TACR3: variants seen among roughly 807,000 people sequenced by gnomAD.
TACR3 encodes tachykinin receptor 3, also known as neuromedin-K receptor.
Under a neutral mutation model 35.0 loss-of-function variants are expected in TACR3, and 34 were observed. The ratio of observed to expected loss-of-function variants is 0.97; its 90% CI spans 0.74 to 1.30. The LOEUF is 1.30. Among genes scored for constraint, TACR3 ranks in the 50% most tolerant of loss-of-function variants. TACR3 has a pLI of 0.00. For synonymous variants in TACR3, 233 were observed against 221.1 expected (o/e 1.05, Z -0.48); for missense variants, 558 against 591.7 (o/e 0.94, Z 0.59).
intron 3 of TACR3, among the ~76,000 whole-genome samples, chr4:103,653,672 G>A (rs917134023): frequency 2.0e-5 from 3 of 151,926 alleles, no homozygotes; most frequent in Non-Finnish European, 4.4e-5. Flanking sequence ...AAAAGCAATG[G>A]CAACAAAAGC....
chr4:103,668,848 CAAA>C (rs565931739), intron 1 of TACR3, among the ~76,000 whole-genome samples: 1 of 107,826 alleles, frequency 9.3e-6, no homozygotes, highest in African/African-American at 3.0e-5. Flanking sequence ...GACTCTGTCT[CAAA>C]AAAAAAAAAA....
intron 3 of TACR3, among the ~76,000 whole-genome samples, chr4:103,638,894 C>T (rs1725276181): frequency 6.6e-6 from 1 of 152,076 alleles, no homozygotes; most frequent in African/African-American, 2.4e-5. Flanking sequence ...AATGAGATAC[C>T]ATCTCACACC....
chr4:103,707,546 C>G (rs888095141), intron 1 of TACR3, among the ~76,000 whole-genome samples: 1 of 152,050 alleles, frequency 6.6e-6, no homozygotes, highest in African/African-American at 2.4e-5. Context: ...CAAATAGGAA[C>G]AGCTCCAGTC....
chr4:103,697,746 A>T (rs1722555776), intron 1 of TACR3, among the ~76,000 whole-genome samples: 1 of 152,154 alleles, frequency 6.6e-6, no homozygotes, highest in South Asian at 2.1e-4. Flanking sequence ...ATTTAACTAA[A>T]CATTGGTAAC....
chr4:103,709,910 G>C (rs959834923), intron 1 of TACR3, among the ~76,000 whole-genome samples: 1 of 152,170 alleles, frequency 6.6e-6, no homozygotes, highest in Non-Finnish European at 1.5e-5. Context: ...AAGTGACAAA[G>C]AAGGCCATTA....
chr4:103,690,938 T>C (rs1408054087), intron 1 of TACR3, among the ~76,000 whole-genome samples: 3 of 152,202 alleles, frequency 2.0e-5, no homozygotes, highest in Non-Finnish European at 4.4e-5. Context: ...TAGATACAAT[T>C]TTATAATGTC....
rs2110236123 is a variant in TACR3, at chr4:103,719,334, C to G, written c.342G>C (p.Lys114Asn). 3 of 1,614,210 alleles carry G rather than the reference C, an allele frequency of 1.9e-6. No homozygotes were observed. The East Asian group carries it at 6.7e-5, about 36-fold the overall frequency. Residue 114 changes from lysine to asparagine, a missense_variant, in exon 1 of 5, where the codon AAG becomes AAC. By Grantham distance (94) the Lys-to-Asn change is moderately conservative. Transcript: ENST00000304883. ...AGTAGTTGGTGACAGTCCTCATGCG[C>G]TTGTGGGCCAGGATGATCCAGATGA... ...LIVIWIILAH[K>N]RMRTVTNYFL...
intron 3 of TACR3, among the ~76,000 whole-genome samples, chr4:103,634,888 C>A (rs148959975): frequency 7.8e-4 from 118 of 152,162 alleles, no homozygotes; most frequent in African/African-American, 2.8e-3. Flanking sequence ...TTTGCTTATG[C>A]ATCTCTCAAG....
At chr4:103,686,245 A>G (rs1368781016) in intron 1 of TACR3, among the ~76,000 whole-genome samples, 1 of 152,216 alleles carries the variant, frequency 6.6e-6, no homozygotes, top group African/African-American at 2.4e-5. Flanking sequence ...AATGTGAGGC[A>G]GACTTGTAAA....
At chr4:103,656,776 G>T (rs1018356910) in intron 2 of TACR3, among the ~76,000 whole-genome samples, 1 of 152,032 alleles carries the variant, frequency 6.6e-6, no homozygotes, top group Non-Finnish European at 1.5e-5. Flanking sequence ...CTCTATTGCT[G>T]CAACATCAGA....
At chr4:103,629,237 G>C (rs994144461) in intron 3 of TACR3, among the ~76,000 whole-genome samples, 1 of 152,106 alleles carries the variant, frequency 6.6e-6, no homozygotes, top group African/African-American at 2.4e-5. Context: ...CACAAGACAA[G>C]GATGCCCTCT....
At chr4:103,698,477 A>G (rs892436423) in intron 1 of TACR3, among the ~76,000 whole-genome samples, 11 of 152,062 alleles carry the variant, frequency 7.2e-5, no homozygotes, top group African/African-American at 9.7e-5. Flanking sequence ...GATTATATAG[A>G]GTATTTATAT....
intron 1 of TACR3, among the ~76,000 whole-genome samples, chr4:103,701,442 A>G (rs900925516): frequency 6.6e-6 from 1 of 152,102 alleles, no homozygotes; most frequent in African/African-American, 2.4e-5. Flanking sequence ...CATGGGTAGG[A>G]AGAATCAATA....
Position 103,591,516 on chromosome 4 carries a change from A to G in TACR3, c.1056T>C (p.Asn352=). ...TATTCAGACAGCAGTAGATGATGGG[A>G]TTGTACATGGTTGAGCTCATTGCCA... The part of the protein sequence containing the change: ...FWLAMSSTMY[N]PIIYCCLNKR... The change falls in exon 4 of 5, where the codon AAT becomes AAC. Residue 352 remains asparagine, a synonymous_variant. Coordinates refer to ENST00000304883, the MANE Select transcript of TACR3 (RefSeq NM_001059.3). 6.2e-6 allele frequency: 10 copies of G among 1,613,832 alleles called. No homozygotes were observed. The highest frequency in any genetic ancestry group is 8.5e-6 in the Non-Finnish European group (10 of 1,179,812).
At chr4:103,599,702 A>G (rs1021672153) in intron 3 of TACR3, among the ~76,000 whole-genome samples, 1 of 152,144 alleles carries the variant, frequency 6.6e-6, no homozygotes, top group Non-Finnish European at 1.5e-5. Context: ...TTCTGCATCT[A>G]TTGAGATAGT....
chr4:103,659,986 A>C (rs1725806071), intron 1 of TACR3, among the ~76,000 whole-genome samples: 1 of 152,130 alleles, frequency 6.6e-6, no homozygotes. Context: ...ATATATTTTG[A>C]TTTATGAAAA....
At chr4:103,679,643 C>A (rs1726245232) in intron 1 of TACR3, among the ~76,000 whole-genome samples, 1 of 151,846 alleles carries the variant, frequency 6.6e-6, no homozygotes, top group South Asian at 2.1e-4. Flanking sequence ...TTTAATTGAG[C>A]TCTACTTGTT....
chr4:103,628,721 A>G (rs890079237), intron 3 of TACR3, among the ~76,000 whole-genome samples: 3 of 152,240 alleles, frequency 2.0e-5, no homozygotes, highest in African/African-American at 7.2e-5. Flanking sequence ...CCAGAGGTAC[A>G]AGGAGGAGCT....
In TACR3 at chr4:103,591,545, A is replaced by G; in HGVS notation, c.1027T>C (p.Trp343Arg). Reference sequence around the variant, plus strand: ...TACATGGTTGAGCTCATTGCCAGCCAAAAGCTAGCCAGGTAGACCTGCTGG... The same window carrying G: ...TACATGGTTGAGCTCATTGCCAGCCGAAAGCTAGCCAGGTAGACCTGCTGG... ...YIQQVYLASF[W>R]LAMSSTMYNP... The change falls in exon 4 of 5, where the codon TGG (tryptophan) becomes CGG (arginine). Residue 343 changes from tryptophan to arginine, a missense_variant. Transcript: ENST00000304883. 1 of 1,613,960 alleles carries G rather than the reference A, an allele frequency of 6.2e-7. No individual in the cohort carries two copies. The highest frequency in any genetic ancestry group is 1.1e-5 in the South Asian group (1 of 91,088).
Sources: gnomAD v4.1 joint callset for allele counts (sites outside exome capture counted in the v4.1 genomes callset) on GRCh38, gnomAD v4.1.1 for gene constraint, MANE v1.5 for transcripts, NCBI Gene and HGNC (gene_info 2026-07-23, HGNC 2026-07-21) for gene names.